The following OTUD7A variants were observed in gnomAD, a reference collection of about 807,000 sequenced individuals.
OTUD7A encodes OTU deubiquitinase 7A.
A neutral mutation model predicts 65.7 loss-of-function variants in OTUD7A; 12 were observed. The ratio of observed to expected loss-of-function variants is 0.18; its 90% CI spans 0.12 to 0.30. The LOEUF is 0.30. OTUD7A is among the 10% of genes least tolerant of loss of function. OTUD7A has a pLI of 1.00. For synonymous variants in OTUD7A, 641 were observed against 586.3 expected, an observed-to-expected ratio of 1.09 and a Z score of -1.35; for missense variants, 1,148 against 1,304.8, an observed-to-expected ratio of 0.88 and a Z score of 1.85.
intron 3 of OTUD7A, among the ~76,000 whole-genome samples, chr15:31,587,406 G>A (rs1393476195): frequency 6.6e-6 from 1 of 152,096 alleles, no homozygotes; most frequent in African/African-American, 2.4e-5. Context: ...GGGAGGCTGA[G>A]GCAGGTGGAT....
chr15:31,763,968 T>G (rs904588132), intron 1 of OTUD7A, among the ~76,000 whole-genome samples: 6 of 152,200 alleles, frequency 3.9e-5, no homozygotes, highest in Non-Finnish European at 5.9e-5. Flanking sequence ...AACAAAGATA[T>G]TCTCAGATGA....
intron 1 of OTUD7A, among the ~76,000 whole-genome samples, chr15:31,802,141 G>GTGTGTGTGTGTGTGTATA (rs553698632): frequency 4.9e-5 from 7 of 142,496 alleles, no homozygotes; most frequent in Non-Finnish European, 1.1e-4. Context: ...GTGTGTGTGT[G>GTGTGTGTGTGTGTGTATA]TATATATATA....
intron 1 of OTUD7A, among the ~76,000 whole-genome samples, chr15:31,814,764 T>C (rs1896506267): frequency 6.6e-6 from 1 of 152,156 alleles, no homozygotes; most frequent in Non-Finnish European, 1.5e-5. Flanking sequence ...CCTCTAGTGA[T>C]ATATCCGCCT....
rs184313314 is a variant in OTUD7A at position 31,638,860 on chromosome 15, T to C, written c.151+16236A>G. Among the ~76,000 whole-genome samples the C allele has an allele frequency of 1.4e-4, 22 of 152,218 alleles. No homozygotes were observed. The East Asian group carries it at 3.9e-3, about 27-fold the overall frequency. On this transcript the variant is annotated intron_variant, in intron 3 of 12. Transcript: ENST00000307050. ...CTCTCAAAAGATTCCTCAGGCCAGG[T>C]GCGGTCGCTCACGCCTATAATCCCA...
At chr15:31,702,450 T>C (rs1893233276) in intron 1 of OTUD7A, among the ~76,000 whole-genome samples, 1 of 150,756 alleles carries the variant, frequency 6.6e-6, no homozygotes, top group Non-Finnish European at 1.5e-5. Flanking sequence ...AAATCAGTTG[T>C]ATCTCTCTGT....
intron 1 of OTUD7A, among the ~76,000 whole-genome samples, chr15:31,790,729 TG>T (rs758945168): frequency 5.4e-4 from 82 of 152,304 alleles, no homozygotes; most frequent in Non-Finnish European, 1.0e-3. Context: ...TCTTGTGCCC[TG>T]AAGACCTCCT....
rs1244922050 is a variant in OTUD7A, at chr15:31,483,468, C to T, written c.2628G>A (p.Ala876=). The change falls in exon 13 of 13, where the codon GCG becomes GCA. Residue 876 remains alanine, a synonymous_variant. Coordinates refer to ENST00000307050, the MANE Select transcript of OTUD7A (RefSeq NM_001382637.1). ...ACTCACCGTTCGAGCGCGCGGTCGG[C>T]GCGTCGGCGTCGGCGAACTCCAGGC... ...RDGLEFADAD[A]PTARSNGECG... The T allele has an allele frequency of 2.9e-6, 4 of 1,382,950 alleles. No homozygotes were observed. Among genetic ancestry groups the T allele is most frequent in the South Asian group, 1.4e-5 (1 of 69,514 alleles). The allele number at this position is 1,382,950 out of a possible 1,614,324, so 85.7% of individuals were successfully genotyped here. A position where few individuals can be genotyped will look rare whatever the true frequency, so the allele number is the denominator to read the frequency against.
At chr15:31,834,357 CT>C (rs1376371403) in intron 1 of OTUD7A, among the ~76,000 whole-genome samples, 1 of 152,206 alleles carries the variant, frequency 6.6e-6, no homozygotes, top group African/African-American at 2.4e-5. Context: ...GCCAACAGCT[CT>C]TTCCCCAGTC....
At chr15:31,753,636 C>A (rs1894700439) in intron 1 of OTUD7A, among the ~76,000 whole-genome samples, 1 of 144,684 alleles carries the variant, frequency 6.9e-6, no homozygotes, top group Non-Finnish European at 1.5e-5. Context: ...TAATTCATTC[C>A]TTTTTATGAC....
rs550986081 is a variant in OTUD7A at position 31,505,198 on chromosome 15, T to A, written c.894-1380A>T. ...GGAATGGGATTTTACATTTTGTATT[T>A]GTTTTGATTGGTTAGTAACTTTGAA... On this transcript the variant is annotated intron_variant, in intron 8 of 12. Transcript: ENST00000307050. Among the ~76,000 whole-genome samples the A allele has an allele frequency of 1.2e-3, 180 of 152,338 alleles. 1 individual carries two copies. The highest frequency in any genetic ancestry group is 4.2e-3 in the African/African-American group (176 of 41,578).
chr15:31,699,898 C>T (rs541988112), intron 1 of OTUD7A, among the ~76,000 whole-genome samples: 1 of 152,132 alleles, frequency 6.6e-6, no homozygotes, highest in East Asian at 1.9e-4. Context: ...TTATGTTTCC[C>T]TCTGCATTGT....
intron 1 of OTUD7A, among the ~76,000 whole-genome samples, chr15:31,693,429 C>A (rs533427096): frequency 1.3e-5 from 2 of 152,166 alleles, no homozygotes; most frequent in African/African-American, 4.8e-5. Context: ...GTAAGGCTAT[C>A]AGCTAAACTA....
chr15:31,811,610 C>T lies in OTUD7A; in HGVS notation c.-100+58897G>A, dbSNP rs189827422. 3.2e-3 allele frequency among the ~76,000 whole-genome samples: 483 copies of T among 152,066 alleles called. 1 individual carries two copies. The highest frequency in any genetic ancestry group is 6.8e-3 in the Middle Eastern group (2 of 294). ...GCTGGAAAAGGAGACAGTGAGAAGC[C>T]GCAGGAGTGAGCAGGATCTCCACCG... On this transcript the variant is annotated intron_variant, in intron 1 of 12. Transcript: ENST00000307050.
Position 31,515,642 on chromosome 15 carries a change from CCTCT to C in OTUD7A, c.893+10703_893+10706del, listed in dbSNP as rs1221735009. Among the ~76,000 whole-genome samples the C allele has an allele frequency of 1.5e-4, 19 of 127,560 alleles. No individual in the cohort carries two copies. In the East Asian group the frequency reaches 2.2e-3, roughly 15 times the overall value. 83.7% of individuals were successfully genotyped at this position (127,560 alleles called of 152,430 possible). On this transcript the variant is annotated intron_variant, in intron 8 of 12. Coordinates refer to ENST00000307050, the MANE Select transcript of OTUD7A (RefSeq NM_001382637.1). ...CCCACCCATCTCTCTTCCTTCCCTC[CCTCT>C]CTCTCTTCATCCATCCATCTATTGA... is the stretch of plus-strand genomic sequence containing the variant.
chr15:31,786,924 A>G (rs896350837), intron 1 of OTUD7A, among the ~76,000 whole-genome samples: 6 of 152,214 alleles, frequency 3.9e-5, no homozygotes, highest in Non-Finnish European at 7.3e-5. Context: ...CTACAAAACA[A>G]AGACCCTAAG....
At chr15:31,849,626 G>C (rs1168067305) in intron 1 of OTUD7A, among the ~76,000 whole-genome samples, 5 of 152,108 alleles carry the variant, frequency 3.3e-5, no homozygotes, top group South Asian at 2.1e-4. Flanking sequence ...AACCTACAGA[G>C]TGGAAGAAAA....
chr15:31,666,222 G>A (rs201912284), intron 1 of OTUD7A, among the ~76,000 whole-genome samples: 10 of 151,440 alleles, frequency 6.6e-5, no homozygotes, highest in Admixed American at 1.3e-4. Context: ...GAATAGCGTC[G>A]AATTCTGCTG....
At chr15:31,609,890 C>T (rs749171639) in intron 3 of OTUD7A, among the ~76,000 whole-genome samples, 17 of 151,520 alleles carry the variant, frequency 1.1e-4, no homozygotes, top group Non-Finnish European at 2.5e-4. Flanking sequence ...TGCTTCACAT[C>T]ACAGGACTTT....
At chr15:31,671,609 T>G (rs1235362922) in intron 1 of OTUD7A, among the ~76,000 whole-genome samples, 1 of 152,244 alleles carries the variant, frequency 6.6e-6, no homozygotes, top group East Asian at 1.9e-4. Context: ...TGATGAATTA[T>G]ATTAATGTGC....
Sources: allele counts gnomAD v4.1 joint callset (sites outside exome capture counted in the v4.1 genomes callset), GRCh38; gene constraint gnomAD v4.1.1; transcripts MANE v1.5; gene names NCBI Gene and HGNC (gene_info 2026-07-23, HGNC 2026-07-21).